The following XRCC4 variants were observed in gnomAD, a reference collection of about 807,000 sequenced individuals.
XRCC4 encodes the protein X-ray repair cross complementing 4, also known as DNA repair protein XRCC4.
In XRCC4, 28 loss-of-function variants were observed where a neutral mutation model predicts 39.1. The observed-to-expected ratio is 0.72, with a 90% CI of 0.53 to 0.98. The LOEUF is 0.98. Ranked by LOEUF, XRCC4 falls within the 50% of genes least tolerant of loss-of-function variation. The pLI is 0.00. For missense variants in XRCC4, 350 were observed against 376.4 expected, an observed-to-expected ratio of 0.93 and a Z score of 0.58; for synonymous variants, 123 against 126.4, an observed-to-expected ratio of 0.97 and a Z score of 0.18.
At chr5:83,263,685 T>C (rs1753847066) in intron 7 of XRCC4, among the ~76,000 whole-genome samples, 1 of 151,402 alleles carries the variant, frequency 6.6e-6, no homozygotes, top group African/African-American at 2.4e-5. Flanking sequence ...CACTTTTTGA[T>C]GGGGTTGTTT....
chr5:83,145,317 T>C (rs1316180860), intron 3 of XRCC4, among the ~76,000 whole-genome samples: 1 of 152,228 alleles, frequency 6.6e-6, no homozygotes, highest in Non-Finnish European at 1.5e-5. Context: ...CTTCAGTGTG[T>C]TATTTCTCTA....
chr5:83,203,852 G>A (rs1751313099), intron 5 of XRCC4, 145 bp downstream of exon 5: 1 of 902,674 alleles, frequency 1.1e-6, no homozygotes, highest in Non-Finnish European at 1.7e-6. Context: ...CTGTTAGATA[G>A]GGGTACCATG....
At chr5:83,248,600 C>G (rs1392538690) in intron 6 of XRCC4, among the ~76,000 whole-genome samples, 1 of 152,072 alleles carries the variant, frequency 6.6e-6, no homozygotes, top group Non-Finnish European at 1.5e-5. Context: ...ACAGCATGCT[C>G]ATAATAAGGA....
At chr5:83,080,641 C>T (rs1374971604) in intron 1 of XRCC4, among the ~76,000 whole-genome samples, 1 of 152,094 alleles carries the variant, frequency 6.6e-6, no homozygotes, top group Non-Finnish European at 1.5e-5. Flanking sequence ...CATGAATCAT[C>T]TCCTTGTTTA....
At chr5:83,118,465 A>G (rs1426197537) in intron 3 of XRCC4, among the ~76,000 whole-genome samples, 2 of 152,138 alleles carry the variant, frequency 1.3e-5, no homozygotes, top group Non-Finnish European at 2.9e-5. Flanking sequence ...TGTGCCCAAC[A>G]GTCTACTTTG....
rs537246115 is a variant in XRCC4, at chr5:83,085,127, G to A, written c.-11+7512G>A. Among the ~76,000 whole-genome samples, 194 of 152,264 alleles carry A rather than the reference G, an allele frequency of 1.3e-3. 1 individual carries two copies. The highest frequency in any genetic ancestry group is 4.5e-3 in the African/African-American group (187 of 41,546). ...TCAATCTGGTCTTGTGTGAGAGAAT[G>A]CTATTAACTTACTTCTAATTTTACC... On this transcript the variant is annotated intron_variant, in intron 1 of 7. Transcript: ENST00000396027.
At chr5:83,148,394 A>T (rs969300258) in intron 3 of XRCC4, among the ~76,000 whole-genome samples, 3 of 152,128 alleles carry the variant, frequency 2.0e-5, no homozygotes, top group African/African-American at 7.2e-5. Flanking sequence ...AACATTTTTG[A>T]CTTAACTGTT....
the XRCC4 span, among the ~76,000 whole-genome samples, chr5:83,373,799 G>T: frequency 6.6e-6 from 1 of 151,830 alleles, no homozygotes; most frequent in Non-Finnish European, 1.5e-5. Flanking sequence ...TTAAAGCATT[G>T]TTTTATATTC....
chr5:83,220,546 G>C (rs1199276096), intron 6 of XRCC4, among the ~76,000 whole-genome samples: 1 of 152,138 alleles, frequency 6.6e-6, no homozygotes, highest in African/African-American at 2.4e-5. Context: ...AGGGCCTGGG[G>C]ATGTGTGAAG....
chr5:83,186,585 A>G (rs532885209), intron 3 of XRCC4, among the ~76,000 whole-genome samples: 2 of 152,216 alleles, frequency 1.3e-5, no homozygotes, highest in South Asian at 2.1e-4. Context: ...TCACATCCCT[A>G]AAGTCCTTTT....
intron 7 of XRCC4, among the ~76,000 whole-genome samples, chr5:83,261,937 T>C (rs1241976381): frequency 6.6e-6 from 1 of 152,114 alleles, no homozygotes; most frequent in Non-Finnish European, 1.5e-5. Flanking sequence ...ACTTTATAAA[T>C]ACCACAGGGT....
Position 83,258,530 on chromosome 5 carries a change from C to G in XRCC4, c.746C>G (p.Ala249Gly), listed in dbSNP as rs369256873. Reference sequence around the variant, plus strand: ...ACATTCTCATCTCATTTTATTTCAGCTGCTGTAAGTAAAGATGATTCCATT... The same window carrying G: ...ACATTCTCATCTCATTTTATTTCAGGTGCTGTAAGTAAAGATGATTCCATT... ...NQTDLSGLASAAVSKDDSIIS... is the reference protein window; with the variant it reads ...NQTDLSGLASGAVSKDDSIIS... Residue 249 changes from alanine (A) to glycine (G), a missense_variant and splice_region_variant, in exon 7 of 8, where the codon GCT (alanine) becomes GGT (glycine). Transcript: ENST00000396027. 3.8e-5 allele frequency: 61 copies of G among 1,605,012 alleles called. No homozygotes were observed. Among genetic ancestry groups the G allele is most frequent in the Non-Finnish European group, 4.9e-5 (58 of 1,177,486 alleles).
Position 83,299,949 on chromosome 5 carries a change from A to G in XRCC4, c.893+41272A>G, listed in dbSNP as rs184633390. On this transcript the variant is annotated intron_variant, in intron 7 of 7. Coordinates refer to ENST00000396027, the MANE Select transcript of XRCC4 (RefSeq NM_003401.5). ...CTCTTTATGAGTGAAGTGATTATTT[A>G]TTATGTGATAGCCATTTCATGGAAA... 5.9e-5 allele frequency among the ~76,000 whole-genome samples: 9 copies of G among 152,174 alleles called. 1 individual carries two copies. The East Asian group carries it at 1.7e-3, about 29-fold the overall frequency.
chr5:83,366,196 T>A, the XRCC4 span, among the ~76,000 whole-genome samples: 1 of 152,224 alleles, frequency 6.6e-6, no homozygotes, highest in Non-Finnish European at 1.5e-5. Context: ...CAAATCATTA[T>A]TCAAACTGAA....
At chr5:83,289,997 A>T (rs985125246) in intron 7 of XRCC4, among the ~76,000 whole-genome samples, 3 of 151,750 alleles carry the variant, frequency 2.0e-5, no homozygotes. Context: ...TCTCACTCTC[A>T]TGCTAGTCTA....
chr5:83,238,651 A>T (rs1273797737), intron 6 of XRCC4, among the ~76,000 whole-genome samples: 1 of 152,162 alleles, frequency 6.6e-6, no homozygotes, highest in Non-Finnish European at 1.5e-5. Flanking sequence ...TTGTATATGT[A>T]AGTAAATGGA....
At chr5:83,104,863 G>C in intron 1 of XRCC4, 47 bp from the exon 2 acceptor site, 5 of 1,565,474 alleles carry the variant, frequency 3.2e-6, no homozygotes, top group Non-Finnish European at 4.4e-6. Flanking sequence ...AACATTATTT[G>C]AGTTACAGTT....
chr5:83,087,634 G>A (rs186938141), intron 1 of XRCC4, among the ~76,000 whole-genome samples: 2 of 151,902 alleles, frequency 1.3e-5, no homozygotes, highest in South Asian at 2.1e-4. Context: ...CTGTACTCCA[G>A]TCTGGGTGAC....
chr5:83,136,290 A>C (rs943682070), intron 3 of XRCC4, among the ~76,000 whole-genome samples: 4 of 152,168 alleles, frequency 2.6e-5, no homozygotes, highest in African/African-American at 9.7e-5. Flanking sequence ...ACCTATTAAT[A>C]GATTTGTGCT....
Sources: gnomAD v4.1 joint callset for allele counts (sites outside exome capture counted in the v4.1 genomes callset) on GRCh38, gnomAD v4.1.1 for gene constraint, MANE v1.5 for transcripts, NCBI Gene and HGNC (gene_info 2026-07-23, HGNC 2026-07-21) for gene names.